GCNT2: variants seen among roughly 807,000 people sequenced by gnomAD.
The protein encoded by GCNT2 is N-acetyllactosaminide beta-1,6-N-acetylglucosaminyl-transferase.
GCNT2 carries 34 observed loss-of-function variants against 34.2 expected under a neutral mutation model. The observed-to-expected ratio is 1.00, with a 90% CI of 0.76 to 1.32. The LOEUF (loss-of-function observed/expected upper bound fraction) is 1.32, where lower values mean the gene tolerates loss of function less well. GCNT2 is among the 40% of genes most tolerant of loss of function. GCNT2 has a pLI of 0.00. For synonymous variants in GCNT2, 212 were observed against 188.0 expected (o/e 1.13, Z -1.04); for missense variants, 584 against 489.4 (o/e 1.19, Z -1.82).
intron 3 of GCNT2, among the ~76,000 whole-genome samples, chr6:10,614,199 C>G (rs1765670751): frequency 6.6e-6 from 1 of 152,104 alleles, no homozygotes; most frequent in South Asian, 2.1e-4. Context: ...TGAGCTGTCA[C>G]CAGAAGTCTT....
chr6:10,562,756 G>C (rs1431430935), intron 3 of GCNT2, among the ~76,000 whole-genome samples: 1 of 151,944 alleles, frequency 6.6e-6, no homozygotes, highest in East Asian at 1.9e-4. Flanking sequence ...CATTTCTTGG[G>C]TCCCTTTTCT....
At chr6:10,556,554 T>A (rs776755995) in intron 3 of GCNT2, 33 of 1,614,102 alleles carry the variant, frequency 2.0e-5, no homozygotes, top group Non-Finnish European at 2.7e-5. Context: ...CCTTTGAGGC[T>A]GACTCAAGTT....
At chr6:10,618,431 G>C (rs1765888167) in intron 3 of GCNT2, among the ~76,000 whole-genome samples, 1 of 152,186 alleles carries the variant, frequency 6.6e-6, no homozygotes. Flanking sequence ...AATGGAATCT[G>C]TTTCTGAGTA....
intron 3 of GCNT2, among the ~76,000 whole-genome samples, chr6:10,530,582 A>G (rs1202818930): frequency 6.6e-6 from 1 of 151,962 alleles, no homozygotes; most frequent in African/African-American, 2.4e-5. Flanking sequence ...TCAAAAATCT[A>G]AAGCATGGCC....
intron 4 of GCNT2, among the ~76,000 whole-genome samples, chr6:10,623,090 G>GA (rs1211053499): frequency 6.6e-6 from 1 of 151,844 alleles, no homozygotes; most frequent in Non-Finnish European, 1.5e-5. Flanking sequence ...TGTTTCAGGT[G>GA]AAAATCTCCA....
chr6:10,534,112 C>A (rs971344517), intron 3 of GCNT2, among the ~76,000 whole-genome samples: 1 of 147,928 alleles, frequency 6.8e-6, no homozygotes, highest in Admixed American at 6.8e-5. Flanking sequence ...CTATGTCTTC[C>A]CCTGGTATCT....
At chr6:10,594,358 T>G (rs943049858) in intron 3 of GCNT2, among the ~76,000 whole-genome samples, 13 of 152,194 alleles carry the variant, frequency 8.5e-5, no homozygotes, top group African/African-American at 3.1e-4. Context: ...AGGAAAAGCT[T>G]TATGGTGTTG....
chr6:10,614,060 C>CTT (rs756101491), intron 3 of GCNT2, among the ~76,000 whole-genome samples: 32 of 152,158 alleles, frequency 2.1e-4, no homozygotes, highest in Non-Finnish European at 4.1e-4. Context: ...CTCCATGTAT[C>CTT]TTTCAGCCCA....
At chr6:10,586,252 T>G (rs1255701536) in intron 3 of GCNT2, 2 of 1,614,222 alleles carry the variant, frequency 1.2e-6, no homozygotes, top group Admixed American at 3.3e-5. Context: ...ACAAGTCCCC[T>G]GTCGGAAGAA....
intron 3 of GCNT2, among the ~76,000 whole-genome samples, chr6:10,596,051 C>G (rs1349343760): frequency 6.6e-6 from 1 of 152,172 alleles, no homozygotes; most frequent in African/African-American, 2.4e-5. Flanking sequence ...AGGCTTTCTC[C>G]TCATCCCATA....
At chr6:10,609,133 GT>G (rs1765446291) in intron 3 of GCNT2, among the ~76,000 whole-genome samples, 1 of 152,194 alleles carries the variant, frequency 6.6e-6, no homozygotes, top group South Asian at 2.1e-4. Flanking sequence ...GCTGTTTGTA[GT>G]CTGGAGGTGT....
At chr6:10,609,299 A>C (rs1379417013) in intron 3 of GCNT2, among the ~76,000 whole-genome samples, 1 of 152,248 alleles carries the variant, frequency 6.6e-6, no homozygotes, top group East Asian at 1.9e-4. Context: ...CTCATGGCAT[A>C]AAGTGGAAGG....
intron 3 of GCNT2, among the ~76,000 whole-genome samples, chr6:10,553,520 C>G (rs1762565734): frequency 1.3e-5 from 2 of 152,282 alleles, no homozygotes; most frequent in South Asian, 4.1e-4. Flanking sequence ...CATTGAGATT[C>G]TAAGTCCTCT....
Position 10,529,241 on chromosome 6 carries a change from T to C in GCNT2, c.330T>C (p.Phe110=), listed in dbSNP as rs940900413. 3 of 1,614,204 alleles carry C rather than the reference T, an allele frequency of 1.9e-6. No individual in the cohort carries two copies. The highest frequency in any genetic ancestry group is 2.5e-6 in the Non-Finnish European group (3 of 1,180,028). ...CCATCCACAAAGACTTCGGCACTTTTGAGAGGCTCTTCAGGGCGATTTATA... is the reference window on the plus strand; with the variant it reads ...CCATCCACAAAGACTTCGGCACTTTCGAGAGGCTCTTCAGGGCGATTTATA... ...TVTIHKDFGT[F]ERLFRAIYMP... is the part of the protein sequence containing the mutation. The change falls in exon 3 of 5, where the codon TTT becomes TTC. Residue 110 remains phenylalanine, a synonymous_variant. Coordinates refer to ENST00000495262, the MANE Select transcript of GCNT2 (RefSeq NM_145649.5).
chr6:10,557,493 C>CTTT, intron 3 of GCNT2: 3 of 553,544 alleles, frequency 5.4e-6, no homozygotes, highest in Non-Finnish European at 9.5e-6. Context: ...GAAAGATGTT[C>CTTT]TTTTTTTTTT....
At chr6:10,526,575 T>C (rs545318761) in intron 1 of GCNT2, among the ~76,000 whole-genome samples, 1 of 150,716 alleles carries the variant, frequency 6.6e-6, no homozygotes, top group South Asian at 2.1e-4. Context: ...CCTGCGTTCT[T>C]TTTTTTTTAT....
rs531722926 is a variant in GCNT2, at chr6:10,604,072, A to G, written c.926-17279A>G. Among the ~76,000 whole-genome samples, 235 of 150,996 alleles carry G rather than the reference A, an allele frequency of 1.6e-3. 3 individuals carry two copies. Among genetic ancestry groups the G allele is most frequent in the African/African-American group, 5.5e-3 (227 of 41,198 alleles). ...CACCACGCCCGGCTAATTTTTTTGT[A>G]TTTTAGTAGAGATGAGGTTTCACAA... is the stretch of plus-strand genomic sequence containing the variant. On this transcript the variant is annotated intron_variant, in intron 3 of 4. Coordinates refer to ENST00000495262, the MANE Select transcript of GCNT2 (RefSeq NM_145649.5).
At chr6:10,585,617 T>TC (rs1764308301) in intron 3 of GCNT2, 1 of 316,118 alleles carries the variant, frequency 3.2e-6, no homozygotes, top group African/African-American at 2.2e-5. Context: ...CAAGAGAAAC[T>TC]CGGCTCCAGT....
intron 3 of GCNT2, among the ~76,000 whole-genome samples, chr6:10,588,270 G>A (rs1387262276): frequency 2.0e-5 from 3 of 152,192 alleles, no homozygotes; most frequent in African/African-American, 4.8e-5. Context: ...TGGTGAGAGC[G>A]TTAACCCTTT....
Sources: gnomAD v4.1 joint callset for allele counts (sites outside exome capture counted in the v4.1 genomes callset) on GRCh38, gnomAD v4.1.1 for gene constraint, MANE v1.5 for transcripts, NCBI Gene and HGNC (gene_info 2026-07-23, HGNC 2026-07-21) for gene names.